The following COG7 variants were observed in gnomAD, a reference collection of about 807,000 sequenced individuals.
The protein encoded by COG7 is conserved oligomeric Golgi complex subunit 7.
In COG7, 49 loss-of-function variants were observed where a neutral mutation model predicts 91.5. The observed-to-expected ratio is 0.54, with a 90% CI of 0.43 to 0.68. COG7 has a LOEUF of 0.68. Among genes scored for constraint, COG7 ranks in the 30% least tolerant of loss-of-function variants. The pLI is 0.00. For missense variants in COG7, 895 were observed against 961.3 expected (o/e 0.93, Z 0.91); for synonymous variants, 365 against 388.7 (o/e 0.94, Z 0.72).
intron 11 of COG7, among the ~76,000 whole-genome samples, chr16:23,408,956 G>A (rs1254506284): frequency 1.3e-5 from 2 of 151,870 alleles, no homozygotes; most frequent in African/African-American, 4.8e-5. Context: ...CAGCCTGGGT[G>A]TATCCAAGGG....
chr16:23,420,910 ATTTTTTTTT>A (rs72250117), intron 7 of COG7, among the ~76,000 whole-genome samples: 133 of 118,498 alleles, frequency 1.1e-3, no homozygotes, highest in African/African-American at 4.0e-3. Flanking sequence ...TACCTGGCTA[ATTTTTTTTT>A]TTTTTTTTTT....
chr16:23,427,511 G>A (rs1963868313), intron 6 of COG7, among the ~76,000 whole-genome samples: 1 of 151,888 alleles, frequency 6.6e-6, no homozygotes, highest in African/African-American at 2.4e-5. Flanking sequence ...CTAAACTGCT[G>A]AGGACTCTCC....
intron 16 of COG7, among the ~76,000 whole-genome samples, chr16:23,390,493 CG>C (rs1377375491): frequency 6.6e-6 from 1 of 151,148 alleles, no homozygotes; most frequent in African/African-American, 2.4e-5. Flanking sequence ...CATGAGCCAC[CG>C]CGCTCAGTGC....
chr16:23,393,262 G>C lies in COG7; in HGVS notation c.1973C>G (p.Ala658Gly), dbSNP rs770639224. The change falls in exon 15 of 17, where the codon GCT becomes GGT. Residue 658 changes from alanine (A) to glycine (G), a missense_variant. Physicochemically the swap from Ala to Gly is moderately conservative, Grantham distance 60. Transcript: ENST00000307149. Reference protein sequence around the residue: ...EDSALELALHAGKLPFPPEQG... With the variant: ...EDSALELALHGGKLPFPPEQG... ...CTCAGGAGGAAATGGCAGCTTTCCAGCGTGCAATGCCAACTCTAAGGCAGA... is the reference window on the plus strand; with the variant it reads ...CTCAGGAGGAAATGGCAGCTTTCCACCGTGCAATGCCAACTCTAAGGCAGA... The C allele has an allele frequency of 3.3e-5, 54 of 1,613,984 alleles. No individual in the cohort carries two copies. In the South Asian group the frequency reaches 5.5e-4, roughly 16 times the overall value.
chr16:23,415,085 C>T (rs568003729), intron 9 of COG7: 1 of 152,356 alleles, frequency 6.6e-6, no homozygotes. Flanking sequence ...GAGCTCGATG[C>T]TTTCAGGTGG....
intron 9 of COG7, chr16:23,415,515 T>C (rs1040013409): frequency 9.2e-5 from 14 of 152,234 alleles, no homozygotes; most frequent in Admixed American, 7.2e-4. Context: ...ACAATACACA[T>C]TTCCAATTGT....
At chr16:23,436,699 C>T (rs962584249) in intron 4 of COG7, among the ~76,000 whole-genome samples, 1 of 152,102 alleles carries the variant, frequency 6.6e-6, no homozygotes. Context: ...GCAGTCCAGC[C>T]TGGGCAACAG....
intron 5 of COG7, among the ~76,000 whole-genome samples, chr16:23,434,319 G>A (rs1262348458): frequency 6.6e-6 from 1 of 152,158 alleles, no homozygotes; most frequent in Non-Finnish European, 1.5e-5. Flanking sequence ...ACTGCCTTCT[G>A]AGGGTGTAAT....
chr16:23,440,719 A>G (rs1054762578), intron 4 of COG7, among the ~76,000 whole-genome samples: 1 of 152,032 alleles, frequency 6.6e-6, no homozygotes, highest in African/African-American at 2.4e-5. Context: ...GACCTCCCAA[A>G]GTGCTGGGAT....
chr16:23,391,443 TGAA>T (rs1963193988), intron 16 of COG7, among the ~76,000 whole-genome samples: 1 of 152,166 alleles, frequency 6.6e-6, no homozygotes, highest in Non-Finnish European at 1.5e-5. Context: ...GAGCTGACTA[TGAA>T]ATGAGCAGGG....
chr16:23,409,441 C>A (rs1694081846), intron 11 of COG7, among the ~76,000 whole-genome samples: 3 of 152,250 alleles, frequency 2.0e-5, no homozygotes, highest in Middle Eastern at 3.4e-3. Flanking sequence ...TCCTAGCACC[C>A]ATTACTTACT....
At chr16:23,407,152 A>G (rs1438554825) in intron 11 of COG7, among the ~76,000 whole-genome samples, 1 of 152,244 alleles carries the variant, frequency 6.6e-6, no homozygotes, top group Admixed American at 6.5e-5. Context: ...GAGTTGTTCA[A>G]GAAATGCCTG....
Position 23,432,103 on chromosome 16 carries a change from T to C in COG7, c.810+1442A>G, listed in dbSNP as rs531322392. 2.6e-4 allele frequency among the ~76,000 whole-genome samples: 39 copies of C among 152,168 alleles called. No individual in the cohort carries two copies. In the South Asian group the frequency reaches 4.1e-3, roughly 16 times the overall value. ...CCGAGGCTGCAGTGAGCCATGATCA[T>C]GCCACTGCACTCTAGCCTGCATGAC... On this transcript the variant is annotated intron_variant, in intron 6 of 16. Coordinates refer to ENST00000307149, the MANE Select transcript of COG7 (RefSeq NM_153603.4).
intron 6 of COG7, among the ~76,000 whole-genome samples, chr16:23,428,903 G>A (rs1159148250): frequency 6.6e-6 from 1 of 152,018 alleles, no homozygotes; most frequent in Non-Finnish European, 1.5e-5. Context: ...ATGTTGGCCA[G>A]GCTGCTCTCG....
At position 23,438,103 on chromosome 16, in the gene COG7, T is replaced by G. The variant is rs1028694277; in HGVS notation, c.605-3385A>C. ...CATCTCAAAAAAAAAAAAAAAAAAT[T>G]AAAAACTTGGGCATCAAAAGATTTT... is the stretch of plus-strand genomic sequence containing the variant. On this transcript the variant is annotated intron_variant, in intron 4 of 16. Coordinates refer to ENST00000307149, the MANE Select transcript of COG7 (RefSeq NM_153603.4). Among the ~76,000 whole-genome samples the G allele has an allele frequency of 3.4e-5, 5 of 146,202 alleles. No individual in the cohort carries two copies. In the South Asian group the frequency reaches 1.1e-3, roughly 32 times the overall value.
chr16:23,432,167 A>G (rs909556659), intron 6 of COG7, among the ~76,000 whole-genome samples: 2 of 152,058 alleles, frequency 1.3e-5, no homozygotes, highest in African/African-American at 2.4e-5. Flanking sequence ...AAACAAAACA[A>G]AATCCTAAGA....
chr16:23,436,356 G>A (rs1291814731), intron 4 of COG7, among the ~76,000 whole-genome samples: 1 of 152,124 alleles, frequency 6.6e-6, no homozygotes, highest in African/African-American at 2.4e-5. Flanking sequence ...ATGTATACTT[G>A]GCTATACTCA....
At chr16:23,425,077 A>G (rs991154503) in intron 6 of COG7, 130 bp from the exon 7 acceptor site, 20 of 756,354 alleles carry the variant, frequency 2.6e-5, no homozygotes, top group Middle Eastern at 3.6e-4. Context: ...TGGGAGGCCA[A>G]GGAAGGTGGA....
intron 1 of COG7, chr16:23,446,798 C>CTGGA (rs1483739881): frequency 1.3e-5 from 2 of 152,406 alleles, no homozygotes; most frequent in African/African-American, 4.8e-5. Context: ...GTTGCCCAGA[C>CTGGA]TGGAGTGCAG....
Sources: allele counts gnomAD v4.1 joint callset (sites outside exome capture counted in the v4.1 genomes callset), GRCh38; gene constraint gnomAD v4.1.1; transcripts MANE v1.5; gene names NCBI Gene and HGNC (gene_info 2026-07-23, HGNC 2026-07-21).